Variants in NCKAP5L observed in about 807,000 individuals in gnomAD.
The protein encoded by NCKAP5L is NCK associated protein 5 like, also known as nck-associated protein 5-like.
Under a neutral mutation model 103.2 loss-of-function variants are expected in NCKAP5L, and 54 were observed. The observed-to-expected ratio is 0.52, with a 90% CI of 0.42 to 0.66. NCKAP5L has a LOEUF of 0.66. Among genes scored for constraint, NCKAP5L ranks in the 30% least tolerant of loss-of-function variants. The pLI is 0.00. For synonymous variants in NCKAP5L, 762 were observed against 748.6 expected, an observed-to-expected ratio of 1.02 and a Z score of -0.29; for missense variants, 1,733 against 1,750.6, an observed-to-expected ratio of 0.99 and a Z score of 0.18.
At chr12:49,806,122 C>T (rs115591486) in intron 1 of NCKAP5L, 81 bp from the exon 2 acceptor site, 2,625 of 152,300 alleles carry the variant, frequency 0.017, 89 homozygotes, top group African/African-American at 0.059. Flanking sequence ...ACGGGACGAA[C>T]AGCCAGAGAC....
At position 49,803,102 on chromosome 12, in the gene NCKAP5L, C is replaced by G; in HGVS notation, c.187G>C (p.Asp63His). The G allele has an allele frequency of 7.4e-6, 12 of 1,614,268 alleles. No homozygotes were observed. Among genetic ancestry groups the G allele is most frequent in the Non-Finnish European group, 9.3e-6 (11 of 1,180,044 alleles). The change falls in exon 4 of 13, where the codon GAC becomes CAC. Residue 63 changes from aspartate (D) to histidine (H), a missense_variant. Transcript: ENST00000335999. ...CCCACTACAGACCCACAGACCTCGT[C>G]CAGACAGCGCTCATAAGTCTCCCGC... The part of the protein sequence containing the change: ...NQRETYERCL[D>H]EVANHVVQAL...
Position 49,795,144 on chromosome 12 carries a change from C to A in NCKAP5L, c.2716G>T (p.Gly906Cys). ...LRLQGQERAP[G>C]AEVKHRNTSS... ...GTGTTGCGGTGCTTGACCTCGGCGC[C>A]AGGGGCTCGCTCCTGGCCCTGGAGC... The change falls in exon 8 of 13, where the codon GGC (glycine) becomes TGC (cysteine). Residue 906 changes from glycine (G) to cysteine (C), a missense_variant. Coordinates refer to ENST00000335999, the MANE Select transcript of NCKAP5L (RefSeq NM_001037806.4). 6.2e-7 allele frequency: 1 copy of A among 1,611,104 alleles called. No homozygotes were observed. The highest frequency in any genetic ancestry group is 8.5e-7 in the Non-Finnish European group (1 of 1,179,178).
intron 3 of NCKAP5L, 109 bp downstream of exon 3, chr12:49,803,813 G>A (rs1946148710): frequency 5.0e-6 from 7 of 1,406,616 alleles, no homozygotes; most frequent in Non-Finnish European, 6.7e-6. Flanking sequence ...CAGGCCGAGA[G>A]GAAGGCCCAT....
chr12:49,796,125 G>T lies in NCKAP5L; in HGVS notation c.1735C>A (p.Leu579Met). The T allele has an allele frequency of 6.2e-7, 1 of 1,611,506 alleles. No individual in the cohort carries two copies. The highest frequency in any genetic ancestry group is 1.1e-5 in the South Asian group (1 of 90,838). ...GPSPEPPPSP[L>M]QVPTYPQLTL... ...AGCTGTGGGTAGGTGGGCACCTGCA[G>T]TGGGGATGGAGGTGGCTCTGGGGAA... Residue 579 changes from leucine to methionine, a missense_variant, in exon 8 of 13, where the codon CTG (leucine) becomes ATG (methionine). Leu to Met is a conservative substitution (Grantham distance 15). Transcript: ENST00000335999.
chr12:49,821,726 C>T (rs1188140828), intron 1 of NCKAP5L, among the ~76,000 whole-genome samples: 1 of 152,158 alleles, frequency 6.6e-6, no homozygotes, highest in African/African-American at 2.4e-5. Flanking sequence ...TTTTGATCAC[C>T]ACTGTATCCC....
chr12:49,800,116 G>A lies in NCKAP5L; in HGVS notation c.352-1653C>T, dbSNP rs993521266. Among the ~76,000 whole-genome samples, 7 of 152,166 alleles carry A rather than the reference G, an allele frequency of 4.6e-5. No individual in the cohort carries two copies. In the South Asian group the frequency reaches 1.4e-3, roughly 32 times the overall value. ...AGGCTGAGGCAGAAGAATCGCTTGA[G>A]CCCGGGAGGCAGAGGTTGCGGTGAG... On this transcript the variant is annotated intron_variant, in intron 6 of 12. Coordinates refer to ENST00000335999, the MANE Select transcript of NCKAP5L (RefSeq NM_001037806.4).
At position 49,795,270 on chromosome 12, in the gene NCKAP5L, C is replaced by A. The variant is rs1183944891; in HGVS notation, c.2590G>T (p.Val864Leu). The A allele has an allele frequency of 4.5e-6, 7 of 1,540,910 alleles. No homozygotes were observed. Among genetic ancestry groups the A allele is most frequent in the Non-Finnish European group, 6.1e-6 (7 of 1,145,738 alleles). ...TGACTTGGGTCAGTGGGGCCAGGTA[C>A]TAGGGGTGTGGACTGGGCCGTGGTA... ...GSTTAQSTPL[V>L]PGPTDPSQGP... Residue 864 changes from valine (V) to leucine (L), a missense_variant, in exon 8 of 13, where the codon GTA becomes TTA. Coordinates refer to ENST00000335999, the MANE Select transcript of NCKAP5L (RefSeq NM_001037806.4).
intron 1 of NCKAP5L, among the ~76,000 whole-genome samples, chr12:49,820,881 G>A (rs1020735186): frequency 1.3e-5 from 2 of 152,196 alleles, no homozygotes; most frequent in African/African-American, 4.8e-5. Context: ...GCCAAACCGC[G>A]TGACCCTAGG....
rs1015331406 is a variant in NCKAP5L, at chr12:49,798,415, A to C, written c.400T>G (p.Ser134Ala). ...GCCGGTCCCTCAGTGGAGCTCAGGGAGGGGGAGGCTGGTGGCTCTGATGGT... is the reference window on the plus strand; with the variant it reads ...GCCGGTCCCTCAGTGGAGCTCAGGGCGGGGGAGGCTGGTGGCTCTGATGGT... The part of the protein sequence containing the change: ...QPPSEPPASP[S>A]LSSTEGPAAP... The change falls in exon 7 of 13, where the codon TCC (serine) becomes GCC (alanine). Residue 134 changes from serine (S) to alanine (A), a missense_variant. By Grantham distance (99) the Ser-to-Ala change is moderately conservative. Transcript: ENST00000335999. The C allele has an allele frequency of 1.9e-6, 3 of 1,581,224 alleles. No homozygotes were observed. In the African/African-American group the frequency reaches 4.0e-5, roughly 21 times the overall value.
rs1946446299 is a variant in NCKAP5L, at chr12:49,828,314, G to T, written c.-99+8C>A. 1 of 152,364 alleles carries T rather than the reference G, an allele frequency of 6.6e-6. No individual in the cohort carries two copies. Among genetic ancestry groups the T allele is most frequent in the Non-Finnish European group, 1.5e-5 (1 of 68,218 alleles). The allele number at this position is 152,364 out of a possible 1,614,324, so 9.4% of individuals were successfully genotyped here. On this transcript the variant is annotated splice_region_variant and intron_variant, in intron 1 of 12. Transcript: ENST00000335999. ...GCCCTTTCAATCCCAAGTAGACCCA[G>T]AACTCACCGAAATCAGGTGTTGAGC...
intron 1 of NCKAP5L, among the ~76,000 whole-genome samples, chr12:49,819,031 T>TAAAAA (rs528968275): frequency 1.4e-4 from 17 of 122,364 alleles, no homozygotes; most frequent in African/African-American, 5.1e-4. Flanking sequence ...ACCTTGTATT[T>TAAAAA]AAAAAAAAAA....
Position 49,796,348 on chromosome 12 carries a change from C to T in NCKAP5L, c.1512G>A (p.Arg504=), listed in dbSNP as rs370689342. 116 of 1,564,562 alleles carry T rather than the reference C, an allele frequency of 7.4e-5. No homozygotes were observed. In the African/African-American group the frequency reaches 1.5e-3, roughly 20 times the overall value. The change falls in exon 8 of 13, where the codon AGG becomes AGA. Residue 504 remains arginine (R), a synonymous_variant. Coordinates refer to ENST00000335999, the MANE Select transcript of NCKAP5L (RefSeq NM_001037806.4). ...DGSPSPLLAR[R]GLGGGELSPE... Reference sequence around the variant, plus strand: ...GGGACAGCTCTCCTCCACCCAGACCCCTTCGGGCCAACAGTGGGGAGGGGC... The same window carrying T: ...GGGACAGCTCTCCTCCACCCAGACCTCTTCGGGCCAACAGTGGGGAGGGGC...
At chr12:49,800,420 A>G (rs1946106063) in intron 6 of NCKAP5L, among the ~76,000 whole-genome samples, 1 of 152,176 alleles carries the variant, frequency 6.6e-6, no homozygotes, top group Admixed American at 6.5e-5. Flanking sequence ...ATGCAGTCCA[A>G]TTCCATACGT....
In NCKAP5L at chr12:49,803,987, C is replaced by T; in HGVS notation, c.58G>A (p.Gly20Ser). The T allele has an allele frequency of 6.2e-7, 1 of 1,612,388 alleles. No individual in the cohort carries two copies. Among genetic ancestry groups the T allele is most frequent in the Non-Finnish European group, 8.5e-7 (1 of 1,179,974 alleles). The change falls in exon 3 of 13, where the codon GGT becomes AGT. Residue 20 changes from glycine to serine, a missense_variant. Physicochemically the swap from Gly to Ser is moderately conservative, Grantham distance 56. Transcript: ENST00000335999. Reference sequence around the variant, plus strand: ...CCTGGCTCCATGCTGCCATCATCACCCTCTCCTGGCCTTGGGTTTCCAGGA... The same window carrying T: ...CCTGGCTCCATGCTGCCATCATCACTCTCTCCTGGCCTTGGGTTTCCAGGA... ...GGPGNPRPGE[G>S]DDGSMEPGTC...
At chr12:49,806,093 A>G (rs896074093) in intron 1 of NCKAP5L, 52 bp from the exon 2 acceptor site, 5 of 152,158 alleles carry the variant, frequency 3.3e-5, no homozygotes, top group African/African-American at 1.2e-4. Context: ...GGCTCCTGCT[A>G]TGTGCCAGGC....
intron 1 of NCKAP5L, among the ~76,000 whole-genome samples, chr12:49,808,349 G>T (rs914280210): frequency 2.0e-5 from 3 of 152,244 alleles, no homozygotes; most frequent in African/African-American, 7.2e-5. Flanking sequence ...TCACAGCGAG[G>T]GGGTCTGGGG....
At chr12:49,823,225 G>A (rs1466970832) in intron 1 of NCKAP5L, among the ~76,000 whole-genome samples, 1 of 152,130 alleles carries the variant, frequency 6.6e-6, no homozygotes, top group African/African-American at 2.4e-5. Context: ...GTCTGGTCAG[G>A]GTCAGAGGCA....
Position 49,792,183 on chromosome 12 carries a change from A to G in NCKAP5L, c.3793-132T>C. Reference sequence around the variant, plus strand: ...CCAGAGGGGGCCCAAGGTGGGGTATACTTCAGAGGAAACAGGCTGGAGGTA... The same window carrying G: ...CCAGAGGGGGCCCAAGGTGGGGTATGCTTCAGAGGAAACAGGCTGGAGGTA... On this transcript the variant is annotated intron_variant, in intron 12 of 12. Transcript: ENST00000335999. This position sits in a 1 kb window ranked among gnomAD's most constrained non-coding sequence, Gnocchi z 4.5. The G allele has an allele frequency of 9.7e-7, 1 of 1,034,498 alleles. No homozygotes were observed. The highest frequency in any genetic ancestry group is 1.4e-6 in the Non-Finnish European group (1 of 706,938). The allele number at this position is 1,034,498 out of a possible 1,614,324, so 64.1% of individuals were successfully genotyped here.
chr12:49,793,659 A>G lies in NCKAP5L; in HGVS notation c.3258+75T>C. ...GCACTCATGGTCTTGGGGAAGGGGA[A>G]CCCTCTAGGGGGTAAGAGACCTGGC... On this transcript the variant is annotated intron_variant, in intron 9 of 12. Coordinates refer to ENST00000335999, the MANE Select transcript of NCKAP5L (RefSeq NM_001037806.4). The G allele has an allele frequency of 2.1e-6, 3 of 1,457,364 alleles. No individual in the cohort carries two copies. In the South Asian group the frequency reaches 4.3e-5, roughly 21 times the overall value. The allele number at this position is 1,457,364 out of a possible 1,614,324, so 90.3% of individuals were successfully genotyped here.
Sources: gnomAD v4.1 joint callset for allele counts (sites outside exome capture counted in the v4.1 genomes callset) on GRCh38, gnomAD v4.1.1 for gene constraint, Gnocchi (gnomAD v3.1) non-coding constraint, MANE v1.5 for transcripts, NCBI Gene and HGNC (gene_info 2026-07-23, HGNC 2026-07-21) for gene names.